The following CFAP221 variants were observed in gnomAD, a reference collection of about 807,000 sequenced individuals.
CFAP221 encodes the protein cilia and flagella associated protein 221, also known as cilia- and flagella-associated protein 221.
In CFAP221, 97 loss-of-function variants were observed where a neutral mutation model predicts 113.1. The ratio of observed to expected loss-of-function variants is 0.86; its 90% confidence interval spans 0.73 to 1.02. The LOEUF (loss-of-function observed/expected upper bound fraction) is 1.02, where lower values mean the gene tolerates loss of function less well. CFAP221 is among the 50% of genes least tolerant of loss of function. The pLI is 0.00. For synonymous variants in CFAP221, 331 were observed against 354.4 expected (o/e 0.93, Z 0.74); for missense variants, 1,025 against 1,013.4 (o/e 1.01, Z -0.16).
intron 20 of CFAP221, 77 bp from the exon 21 acceptor site, chr2:119,639,704 A>C: frequency 8.7e-7 from 1 of 1,155,290 alleles, no homozygotes; most frequent in Non-Finnish European, 1.3e-6. Context: ...TCTGAAAAAT[A>C]GTTGAATAAA....
chr2:119,612,543 G>C (rs967410917), intron 13 of CFAP221, among the ~76,000 whole-genome samples: 12 of 152,128 alleles, frequency 7.9e-5, no homozygotes, highest in African/African-American at 2.7e-4. Context: ...ATCTCTACCT[G>C]GTCACTCCCA....
chr2:119,636,940 G>A (rs948214858), intron 19 of CFAP221, among the ~76,000 whole-genome samples: 2 of 151,986 alleles, frequency 1.3e-5, no homozygotes, highest in Admixed American at 1.3e-4. Flanking sequence ...CAAGAGAGGC[G>A]GCCACATGGC....
At chr2:119,599,066 T>C (rs568097424) in intron 7 of CFAP221, among the ~76,000 whole-genome samples, 2 of 152,292 alleles carry the variant, frequency 1.3e-5, no homozygotes, top group South Asian at 4.1e-4. Flanking sequence ...TGGTCTTAGG[T>C]TGGCTGATGG....
chr2:119,653,082 G>A (rs1427757657), intron 23 of CFAP221, among the ~76,000 whole-genome samples: 1 of 151,320 alleles, frequency 6.6e-6, no homozygotes, highest in Non-Finnish European at 1.5e-5. Flanking sequence ...ACCATCATAT[G>A]TGGTTTAAAA....
intron 7 of CFAP221, among the ~76,000 whole-genome samples, chr2:119,597,985 T>C (rs1684108638): frequency 6.6e-6 from 1 of 152,212 alleles, no homozygotes; most frequent in South Asian, 2.1e-4. Flanking sequence ...CTTTCTGATT[T>C]AGTTCTAGGA....
At chr2:119,546,368 A>G (rs944289117) in intron 2 of CFAP221, 98 bp downstream of exon 2, 40 of 1,294,136 alleles carry the variant, frequency 3.1e-5, no homozygotes, top group African/African-American at 1.8e-4. Context: ...TGATTTATCT[A>G]TATCATTTTA....
intron 22 of CFAP221, chr2:119,648,481 T>C: frequency 3.1e-6 from 1 of 319,324 alleles, no homozygotes; most frequent in Non-Finnish European, 7.1e-6. Flanking sequence ...GACGACAGAG[T>C]CGGGGTATAG....
At chr2:119,564,660 A>T (rs1011812674) in intron 6 of CFAP221, among the ~76,000 whole-genome samples, 1 of 152,130 alleles carries the variant, frequency 6.6e-6, no homozygotes, top group Non-Finnish European at 1.5e-5. Flanking sequence ...TGCGTTTTTC[A>T]TTCAACATTA....
At chr2:119,635,124 A>G (rs1288821018) in intron 19 of CFAP221, among the ~76,000 whole-genome samples, 1 of 152,274 alleles carries the variant, frequency 6.6e-6, no homozygotes, top group Non-Finnish European at 1.5e-5. Context: ...GATGCACAGA[A>G]TAATACATCA....
intron 7 of CFAP221, chr2:119,589,880 A>C (rs1683480103): frequency 6.6e-6 from 1 of 152,206 alleles, no homozygotes; most frequent in Non-Finnish European, 1.5e-5. Context: ...TATGCAACCA[A>C]AACTTCAAGA....
chr2:119,638,342 C>T lies in CFAP221; in HGVS notation c.2058C>T (p.Pro686=). ...TAGATTACCATCTATGCTCTCACCCCAAGTACAAATTCACCAAAGAGTCCC... is the reference window on the plus strand; with the variant it reads ...TAGATTACCATCTATGCTCTCACCCTAAGTACAAATTCACCAAAGAGTCCC... ...TLIDYHLCSH[P]KYKFTKESRH... The change falls in exon 20 of 24, where the codon CCC becomes CCT. Residue 686 remains proline (P), a synonymous_variant. Coordinates refer to ENST00000413369, the MANE Select transcript of CFAP221 (RefSeq NM_001271049.2). The T allele has an allele frequency of 3.7e-6, 6 of 1,614,154 alleles. No individual in the cohort carries two copies. The highest frequency in any genetic ancestry group is 5.1e-6 in the Non-Finnish European group (6 of 1,179,980).
At chr2:119,558,197 T>TAA (rs1680961203) in intron 3 of CFAP221, among the ~76,000 whole-genome samples, 1 of 152,178 alleles carries the variant, frequency 6.6e-6, no homozygotes, top group African/African-American at 2.4e-5. Context: ...ACAAAGCTCT[T>TAA]TGTTAAGATT....
chr2:119,650,617 A>T lies in CFAP221; in HGVS notation c.2319-1357A>T, dbSNP rs185764138. ...GAGAATAGTAATTATAATAACCAAC[A>T]CTCACTGAGCATTAAATGTGTGCCA... On this transcript the variant is annotated intron_variant, in intron 22 of 23. Coordinates refer to ENST00000413369, the MANE Select transcript of CFAP221 (RefSeq NM_001271049.2). Among the ~76,000 whole-genome samples the T allele has an allele frequency of 4.4e-4, 67 of 152,296 alleles. 2 individuals are homozygous for T. In the East Asian group the frequency reaches 0.013, roughly 29 times the overall value.
At chr2:119,545,993 A>G in intron 1 of CFAP221, 92 bp from the exon 2 acceptor site, 10 of 946,670 alleles carry the variant, frequency 1.1e-5, no homozygotes, top group South Asian at 7.3e-5. Context: ...ACCACAGTAA[A>G]CCACACAGAG....
chr2:119,577,088 G>A (rs888598768), intron 6 of CFAP221, among the ~76,000 whole-genome samples: 2 of 152,214 alleles, frequency 1.3e-5, no homozygotes, highest in African/African-American at 4.8e-5. Flanking sequence ...TTAAAGAACA[G>A]ACATTTCTCA....
intron 23 of CFAP221, among the ~76,000 whole-genome samples, chr2:119,655,050 C>T (rs764105528): frequency 2.0e-5 from 3 of 152,194 alleles, no homozygotes; most frequent in Non-Finnish European, 2.9e-5. Flanking sequence ...CCTGGACAGA[C>T]AGGGACGGAA....
At chr2:119,564,652 C>T (rs892060916) in intron 6 of CFAP221, among the ~76,000 whole-genome samples, 2 of 152,140 alleles carry the variant, frequency 1.3e-5, no homozygotes, top group African/African-American at 2.4e-5. Context: ...TTGTAACCTG[C>T]GTTTTTCATT....
Position 119,560,022 on chromosome 2 carries a change from G to GT in CFAP221, c.423dup (p.Lys142Ter). 7.8e-7 allele frequency: 1 copy of GT among 1,285,692 alleles called. No homozygotes were observed. The allele number at this position is 1,285,692 out of a possible 1,614,324, so 79.6% of individuals were successfully genotyped here. ...TATTATGACTGCATCCGTGTTCACT[G>GT]TAAGGTAGGTCTCTTAAAATTGCTT... is the stretch of plus-strand genomic sequence containing the variant. On this transcript the variant is annotated frameshift_variant, in exon 5 of 24. Transcript: ENST00000413369. LOFTEE classifies it high-confidence loss of function.
Position 119,639,768 on chromosome 2 carries a change from A to T in CFAP221, c.2134-13A>T. On this transcript the variant is annotated splice_polypyrimidine_tract_variant and intron_variant, in intron 20 of 23. Transcript: ENST00000413369. The stretch of plus-strand genomic sequence containing the variant: ...CCAAACAGTTGCTTCCCATGTGCTG[A>T]CTTTCCTTACAGGACATTATTCCCG... 1 of 1,608,824 alleles carries T rather than the reference A, an allele frequency of 6.2e-7. No homozygotes were observed. The highest frequency in any genetic ancestry group is 8.5e-7 in the Non-Finnish European group (1 of 1,175,238).
Sources: allele counts gnomAD v4.1 joint callset (sites outside exome capture counted in the v4.1 genomes callset), GRCh38; gene constraint gnomAD v4.1.1; transcripts MANE v1.5; gene names NCBI Gene and HGNC (gene_info 2026-07-23, HGNC 2026-07-21).